Variants in NDE1 observed in about 807,000 individuals in gnomAD.
NDE1 encodes the protein nuclear distribution protein nudE homolog 1.
NDE1 carries 28 observed loss-of-function variants against 43.4 expected under a neutral mutation model. The ratio of observed to expected loss-of-function variants is 0.65; its 90% confidence interval spans 0.48 to 0.89. The LOEUF is 0.89. NDE1 is among the 40% of genes least tolerant of loss of function. The pLI is 0.00. For synonymous variants in NDE1, 184 were observed against 172.0 expected (o/e 1.07, Z -0.55); for missense variants, 441 against 434.1 (o/e 1.02, Z -0.14).
chr16:15,716,955 A>G (rs540841664), intron 8 of NDE1, among the ~76,000 whole-genome samples: 23 of 152,360 alleles, frequency 1.5e-4, no homozygotes, highest in African/African-American at 2.2e-4. Flanking sequence ...GCCCTAGGCC[A>G]GGAACCAGCA....
chr16:15,720,998 C>A lies in NDE1; in HGVS notation c.948-3193C>A. 1 of 1,614,134 alleles carries A rather than the reference C, an allele frequency of 6.2e-7. No homozygotes were observed. Among genetic ancestry groups the A allele is most frequent in the African/African-American group, 1.3e-5 (1 of 75,022 alleles). ...CCTCCAGCTCTTCCAGCTGCGTCTTCATCTCCTCCATCTGGGTCTCCAGGG... is the reference window on the plus strand; with the variant it reads ...CCTCCAGCTCTTCCAGCTGCGTCTTAATCTCCTCCATCTGGGTCTCCAGGG... On this transcript the variant is annotated intron_variant, in intron 8 of 8. Coordinates refer to ENST00000396354, the MANE Select transcript of NDE1 (RefSeq NM_017668.3).
chr16:15,686,273 C>T, intron 4 of NDE1: 2 of 760,384 alleles, frequency 2.6e-6, no homozygotes, highest in Non-Finnish European at 3.2e-6. Context: ...CTTGCCACCC[C>T]TTCCCCACCA....
chr16:15,669,796 C>T (rs2037501356), intron 3 of NDE1, among the ~76,000 whole-genome samples: 1 of 152,196 alleles, frequency 6.6e-6, no homozygotes, highest in Non-Finnish European at 1.5e-5. Context: ...CGCCTGACCA[C>T]ACTGTGGGAT....
intron 8 of NDE1, chr16:15,715,239 C>A: frequency 6.2e-7 from 1 of 1,614,154 alleles, no homozygotes; most frequent in Non-Finnish European, 8.5e-7. Flanking sequence ...TCTTGTCTTT[C>A]TGCTTCAGCG....
At chr16:15,702,457 C>T (rs1342084776) in intron 8 of NDE1, among the ~76,000 whole-genome samples, 1 of 152,062 alleles carries the variant, frequency 6.6e-6, no homozygotes, top group Admixed American at 6.6e-5. Flanking sequence ...GTGGCGTGAT[C>T]ATAGCTCACT....
intron 3 of NDE1, among the ~76,000 whole-genome samples, chr16:15,668,239 A>G (rs1318086462): frequency 1.3e-5 from 2 of 152,128 alleles, no homozygotes; most frequent in Non-Finnish European, 2.9e-5. Context: ...GTACACGCCT[A>G]TAGTCCCAGC....
rs180841626 is a variant in NDE1, at chr16:15,687,393, C to G, written c.405C>G (p.Leu135=). ...TCGCCAGCGCCACGATCATGTCTCT[C>G]GAAGACTTTGAGCAGCGCTTGAATC... The part of the protein sequence containing the change: ...ERAKRATIMS[L]EDFEQRLNQA... Residue 135 remains leucine, a synonymous_variant, in exon 5 of 9, where the codon CTC becomes CTG. Transcript: ENST00000396354. The G allele has an allele frequency of 1.2e-6, 2 of 1,614,112 alleles. No individual in the cohort carries two copies. Among genetic ancestry groups the G allele is most frequent in the Non-Finnish European group, 1.7e-6 (2 of 1,180,022 alleles).
chr16:15,709,503 C>G (rs556077768), intron 8 of NDE1, among the ~76,000 whole-genome samples: 1 of 152,018 alleles, frequency 6.6e-6, no homozygotes, highest in Non-Finnish European at 1.5e-5. Flanking sequence ...TTAGTAGAGA[C>G]GGAGTTTCAC....
intron 7 of NDE1, chr16:15,694,565 C>G (rs2038922002): frequency 1.1e-6 from 1 of 925,998 alleles, no homozygotes. Flanking sequence ...CCAGGCTGGT[C>G]TTAAACTCCT....
chr16:15,656,095 AT>A (rs753024385), intron 1 of NDE1, among the ~76,000 whole-genome samples: 4 of 151,930 alleles, frequency 2.6e-5, no homozygotes, highest in East Asian at 3.9e-4. Context: ...TAACCTGCAC[AT>A]TGTGCACATG....
At chr16:15,649,651 G>A (rs1421703177), upstream of NDE1, among the ~76,000 whole-genome samples, 1 of 152,162 alleles carries the variant, frequency 6.6e-6, no homozygotes, top group Non-Finnish European at 1.5e-5. Flanking sequence ...ATGGGGAAAC[G>A]GAGTCATAGA....
At chr16:15,705,922 T>C (rs566400127) in intron 8 of NDE1, among the ~76,000 whole-genome samples, 2 of 137,354 alleles carry the variant, frequency 1.5e-5, no homozygotes, top group African/African-American at 5.6e-5. Flanking sequence ...GAGGCGGAGC[T>C]TGCAGTGAGC....
At chr16:15,713,924 G>T (rs2039967950) in intron 8 of NDE1, 1 of 152,464 alleles carries the variant, frequency 6.6e-6, no homozygotes, top group Non-Finnish European at 1.5e-5. Context: ...CATTAATGGA[G>T]TGAAGACCCC....
chr16:15,644,453 C>T (rs941158761), intron 1 of NDE1, among the ~76,000 whole-genome samples: 3 of 152,178 alleles, frequency 2.0e-5, no homozygotes, highest in Non-Finnish European at 2.9e-5. Context: ...CACATCCTCT[C>T]CCTGCGTAGG....
chr16:15,695,462 C>G, intron 7 of NDE1: 1 of 968,848 alleles, frequency 1.0e-6, no homozygotes, highest in Non-Finnish European at 1.2e-6. Flanking sequence ...GAGCTGAGAT[C>G]GCACCGCTGG....
At chr16:15,695,203 C>CTT (rs71134451) in intron 7 of NDE1, among the ~76,000 whole-genome samples, 2,048 of 79,548 alleles carry the variant, frequency 0.026, 23 homozygotes, top group African/African-American at 0.049. Context: ...AAACTGCCAC[C>CTT]TTTTTTTTTT....
At chr16:15,718,021 G>T (rs541571270) in intron 8 of NDE1, 4 of 500,936 alleles carry the variant, frequency 8.0e-6, no homozygotes, top group African/African-American at 7.7e-5. Flanking sequence ...AGGGGAAAAC[G>T]CAATGAAAGA....
intron 1 of NDE1, among the ~76,000 whole-genome samples, chr16:15,659,425 CTTTTTTTTTTTTTTTTTT>C (rs35091023): frequency 6.8e-4 from 40 of 58,908 alleles, no homozygotes; most frequent in African/African-American, 2.0e-3. Flanking sequence ...TGCACACAAT[CTTTTTTTTTTTTTTTTTT>C]TTTTTTTTTT....
At position 15,724,421 on chromosome 16, in the gene NDE1, G is replaced by C; in HGVS notation, c.*170G>C. 6.2e-7 allele frequency: 1 copy of C among 1,613,674 alleles called. No individual in the cohort carries two copies. Among genetic ancestry groups the C allele is most frequent in the African/African-American group, 1.3e-5 (1 of 75,024 alleles). The stretch of plus-strand genomic sequence containing the variant: ...TTCGAGTCGGAGAGCTACAAGGACA[G>C]CGTCCAGGGTAGGGTGAGAGGGGGA... On this transcript the variant is annotated 3_prime_UTR_variant, in exon 9 of 9. Transcript: ENST00000396354.
Sources: gnomAD v4.1 joint callset for allele counts (sites outside exome capture counted in the v4.1 genomes callset) on GRCh38, gnomAD v4.1.1 for gene constraint, MANE v1.5 for transcripts, NCBI Gene and HGNC (gene_info 2026-07-23, HGNC 2026-07-21) for gene names.